RCC1L: variants seen among roughly 807,000 people sequenced by gnomAD.
The protein encoded by RCC1L is RCC1 like.
RCC1L carries 46 observed loss-of-function variants against 58.6 expected under a neutral mutation model. That is an observed-to-expected ratio of 0.79 (90% CI 0.62 to 1.00). The LOEUF (loss-of-function observed/expected upper bound fraction) is 1.00, where lower values mean the gene tolerates loss of function less well. RCC1L is among the 50% of genes least tolerant of loss of function. The pLI is 0.00. For missense variants in RCC1L, 636 were observed against 623.6 expected, an observed-to-expected ratio of 1.02 and a Z score of -0.21; for synonymous variants, 281 against 262.9, an observed-to-expected ratio of 1.07 and a Z score of -0.67.
At chr7:75,059,557 C>A (rs1456274345) in intron 6 of RCC1L, among the ~76,000 whole-genome samples, 1 of 152,046 alleles carries the variant, frequency 6.6e-6, no homozygotes, top group African/African-American at 2.4e-5. Context: ...TAGGCGTGAG[C>A]CACTGCGCCT....
At chr7:75,029,360 ATC>A (rs1324629624) in intron 10 of RCC1L, among the ~76,000 whole-genome samples, 4 of 128,494 alleles carry the variant, frequency 3.1e-5, no homozygotes, top group Non-Finnish European at 6.6e-5. Context: ...CAATGGGGGG[ATC>A]TTTTTTTTTT....
At chr7:75,067,546 T>C (rs1806542877) in intron 2 of RCC1L, among the ~76,000 whole-genome samples, 1 of 152,028 alleles carries the variant, frequency 6.6e-6, no homozygotes, top group East Asian at 1.9e-4. Context: ...GGAGAACTGC[T>C]TGAACCCAGG....
chr7:75,052,848 T>C, intron 9 of RCC1L, 52 bp from the exon 10 acceptor site: 1 of 1,539,298 alleles, frequency 6.5e-7, no homozygotes, highest in South Asian at 1.2e-5. Flanking sequence ...AGAACAAGTC[T>C]CCAAGGAGAG....
chr7:75,045,404 T>G (rs1253784222), intron 10 of RCC1L, among the ~76,000 whole-genome samples: 2 of 152,184 alleles, frequency 1.3e-5, no homozygotes, highest in Non-Finnish European at 2.9e-5. Flanking sequence ...GGTCTCGAAC[T>G]CCTGGGCTCA....
At chr7:75,056,454 C>T in intron 8 of RCC1L, 3 of 1,388,544 alleles carry the variant, frequency 2.2e-6, no homozygotes, top group Non-Finnish European at 2.8e-6. Context: ...TCACACTGAT[C>T]AGAAGGCCAA....
chr7:75,043,025 G>A lies in RCC1L; in HGVS notation c.*7C>T. 1 of 1,614,056 alleles carries A rather than the reference G, an allele frequency of 6.2e-7. No homozygotes were observed. Among genetic ancestry groups the A allele is most frequent in the Non-Finnish European group, 8.5e-7 (1 of 1,179,878 alleles). ...GGGACGGGGCCGCCCAAGCAGGTGA[G>A]GGAGGTTTAGATGAATGACTTGGCC... On this transcript the variant is annotated 3_prime_UTR_variant, in exon 11 of 11. Coordinates refer to ENST00000610322, the MANE Select transcript of RCC1L (RefSeq NM_030798.5).
intron 10 of RCC1L, among the ~76,000 whole-genome samples, chr7:75,036,305 G>A (rs929913419): frequency 1.3e-5 from 2 of 151,594 alleles, no homozygotes; most frequent in East Asian, 2.0e-4. Context: ...TAGTAGAGAC[G>A]GGGTTTCTCC....
chr7:75,068,332 A>AG (rs1806583341), intron 2 of RCC1L, among the ~76,000 whole-genome samples: 1 of 151,280 alleles, frequency 6.6e-6, no homozygotes, highest in Non-Finnish European at 1.5e-5. Flanking sequence ...AAAAAAAAAA[A>AG]AAAAAAGTAA....
At chr7:75,052,619 G>A (rs989842172) in intron 10 of RCC1L, 92 bp downstream of exon 10, 76 of 1,246,958 alleles carry the variant, frequency 6.1e-5, no homozygotes, top group African/African-American at 5.9e-5. Flanking sequence ...CATGGCCCTC[G>A]TCCTGGCCCA....
In RCC1L at chr7:75,031,025, G is replaced by A. The variant is rs1024720629; in HGVS notation, c.1318-2946C>T. ...CCCAAGACAGGCCAAGGCCAGTGCG[G>A]TTTCCCTTCCACTGCCTCAGTTTAC... On this transcript the variant is annotated intron_variant, in intron 10 of 10. Transcript: ENST00000614461. Among the ~76,000 whole-genome samples the A allele has an allele frequency of 7.2e-5, 11 of 152,358 alleles. No individual in the cohort carries two copies. In the South Asian group the frequency reaches 2.1e-3, roughly 29 times the overall value.
chr7:75,064,182 T>C (rs927394825), intron 4 of RCC1L, among the ~76,000 whole-genome samples: 8 of 151,748 alleles, frequency 5.3e-5, no homozygotes, highest in Admixed American at 4.6e-4. Context: ...CTACAAAAAT[T>C]AGCCGGGCCT....
At chr7:75,064,514 G>A in intron 4 of RCC1L, 68 bp downstream of exon 4, 1 of 1,585,256 alleles carries the variant, frequency 6.3e-7, no homozygotes, top group Non-Finnish European at 8.7e-7. Context: ...GTTTACCACA[G>A]TCATCTCCCT....
intron 8 of RCC1L, chr7:75,056,812 C>A: frequency 1.6e-6 from 2 of 1,274,268 alleles, no homozygotes; most frequent in South Asian, 2.5e-5. Context: ...GCCATCTTCC[C>A]ATGGCCATAG....
chr7:75,033,020 C>T (rs1177501733), intron 10 of RCC1L, among the ~76,000 whole-genome samples: 1 of 136,646 alleles, frequency 7.3e-6, no homozygotes, highest in African/African-American at 2.8e-5. Context: ...TGCAGTGAGC[C>T]GAGATTGTGC....
At chr7:75,028,020 C>T in exon 11 of RCC1L, 1 of 1,534,916 alleles carries the variant, frequency 6.5e-7, no homozygotes, top group Non-Finnish European at 8.7e-7. Context: ...GCCGTCCATC[C>T]CCCGGAGGTA....
At chr7:75,062,176 G>A (rs1806297108) in intron 5 of RCC1L, among the ~76,000 whole-genome samples, 1 of 151,500 alleles carries the variant, frequency 6.6e-6, no homozygotes, top group Non-Finnish European at 1.5e-5. Context: ...AAAAGAAAAA[G>A]AAACTATCTT....
chr7:75,042,042 G>A (rs945184582), downstream of RCC1L: 2 of 466,698 alleles, frequency 4.3e-6, no homozygotes, highest in South Asian at 1.8e-4. Flanking sequence ...GCAAGACCTT[G>A]TCTCTATAAA....
intron 2 of RCC1L, among the ~76,000 whole-genome samples, chr7:75,068,988 C>T (rs1405528606): frequency 6.6e-6 from 1 of 151,766 alleles, no homozygotes; most frequent in Non-Finnish European, 1.5e-5. Context: ...CCTGCCCCAG[C>T]CTCCCGAATA....
exon 11 of RCC1L, chr7:75,027,761 T>C (rs1805178980): frequency 1.8e-5 from 9 of 506,028 alleles, no homozygotes; most frequent in Non-Finnish European, 3.2e-5. Flanking sequence ...ATCCCCATCC[T>C]GCTCGTGTAA....
Sources: gnomAD v4.1 joint callset for allele counts (sites outside exome capture counted in the v4.1 genomes callset) on GRCh38, gnomAD v4.1.1 for gene constraint, MANE v1.5 for transcripts, NCBI Gene and HGNC (gene_info 2026-07-23, HGNC 2026-07-21) for gene names.